MYO16: variants seen among roughly 807,000 people sequenced by gnomAD.
MYO16 encodes myosin XVI.
MYO16 carries 94 observed loss-of-function variants against 205.3 expected under a neutral mutation model. That is an observed-to-expected ratio of 0.46 (90% confidence interval 0.39 to 0.54). MYO16 has a LOEUF of 0.54. MYO16 is among the 20% of genes least tolerant of loss of function. The pLI is 0.00. For missense variants in MYO16, 2,315 were observed against 2,387.5 expected (o/e 0.97, Z 0.63); for synonymous variants, 988 against 954.0 (o/e 1.04, Z -0.66).
chr13:108,614,131 C>T (rs1049799873), intron 1 of MYO16, among the ~76,000 whole-genome samples: 7 of 152,088 alleles, frequency 4.6e-5, no homozygotes, highest in Non-Finnish European at 1.0e-4. Flanking sequence ...TGAATGTTTA[C>T]AGGATACAAT....
the MYO16 span, among the ~76,000 whole-genome samples, chr13:108,564,210 G>T: frequency 0.022 from 2,802 of 125,560 alleles, 44 homozygotes; most frequent in Admixed American, 0.058. Context: ...TCGCTCTCTT[G>T]CCCAGGCTGG....
upstream of MYO16, among the ~76,000 whole-genome samples, chr13:108,626,069 A>G (rs1879723135): frequency 6.6e-6 from 1 of 152,188 alleles, no homozygotes; most frequent in African/African-American, 2.4e-5. Flanking sequence ...ATCTCTCATT[A>G]GAATCATTGC....
intron 27 of MYO16, among the ~76,000 whole-genome samples, chr13:109,066,839 C>T (rs1482883691): frequency 6.6e-6 from 1 of 152,086 alleles, no homozygotes; most frequent in Admixed American, 6.5e-5. Context: ...GATCTACTCG[C>T]ACTCAGCTTC....
At chr13:109,075,557 G>A (rs973867585) in intron 27 of MYO16, among the ~76,000 whole-genome samples, 1 of 151,968 alleles carries the variant, frequency 6.6e-6, no homozygotes, top group African/African-American at 2.4e-5. Context: ...TGTATTTTTA[G>A]TAGAGACGGG....
At chr13:109,110,871 A>G (rs1020688884) in intron 28 of MYO16, among the ~76,000 whole-genome samples, 1 of 152,186 alleles carries the variant, frequency 6.6e-6, no homozygotes, top group African/African-American at 2.4e-5. Flanking sequence ...GAAAGGATAG[A>G]CAATATTCTA....
At chr13:108,503,569 C>T in the MYO16 span, among the ~76,000 whole-genome samples, 1 of 151,996 alleles carries the variant, frequency 6.6e-6, no homozygotes, top group African/African-American at 2.4e-5. Context: ...TAATCCCATG[C>T]CAGGAGACTG....
rs186739945 is a variant in MYO16, at chr13:108,784,517, A to T, written c.508-1118A>T. Among the ~76,000 whole-genome samples the T allele has an allele frequency of 1.9e-3, 295 of 152,270 alleles. 2 individuals are homozygous for T. Among genetic ancestry groups the T allele is most frequent in the African/African-American group, 6.9e-3 (287 of 41,558 alleles). On this transcript the variant is annotated intron_variant, in intron 4 of 34. Coordinates refer to ENST00000457511, the MANE Select transcript of MYO16 (RefSeq NM_001198950.3). ...ACTTTTTTGTTTGTTTTGGGTTTTT[A>T]AAAATAATATATTTAGAGCCGTTCT...
chr13:108,749,948 A>C (rs2139632414), intron 4 of MYO16, among the ~76,000 whole-genome samples: 1 of 152,360 alleles, frequency 6.6e-6, no homozygotes, highest in South Asian at 2.1e-4. Flanking sequence ...GTCAGCAATA[A>C]AACAGGACTG....
chr13:108,856,182 ATCTCTT>A (rs983890843), intron 11 of MYO16, among the ~76,000 whole-genome samples: 11 of 152,104 alleles, frequency 7.2e-5, no homozygotes, highest in African/African-American at 4.8e-5. Context: ...ATCAAAATCA[ATCTCTT>A]TCTCTTTCTC....
chr13:109,129,554 C>G (rs367806968), intron 31 of MYO16, among the ~76,000 whole-genome samples: 1 of 152,138 alleles, frequency 6.6e-6, no homozygotes, highest in Non-Finnish European at 1.5e-5. Context: ...ACTGTTCCTA[C>G]TTTCAGGCCT....
At chr13:109,056,470 T>C (rs1267677238) in intron 27 of MYO16, among the ~76,000 whole-genome samples, 2 of 152,182 alleles carry the variant, frequency 1.3e-5, no homozygotes, top group Non-Finnish European at 2.9e-5. Context: ...AATTGGTTGA[T>C]GGGTAGTAAC....
At chr13:109,197,901 C>CTGT (rs978694594) in intron 34 of MYO16, among the ~76,000 whole-genome samples, 1 of 152,202 alleles carries the variant, frequency 6.6e-6, no homozygotes, top group Non-Finnish European at 1.5e-5. Flanking sequence ...AATGACATGA[C>CTGT]TGTTGGAAAC....
In MYO16 at chr13:108,738,275, G is replaced by A. The variant is rs776114296; in HGVS notation, c.507+10692G>A. On this transcript the variant is annotated intron_variant, in intron 4 of 34. Coordinates refer to ENST00000457511, the MANE Select transcript of MYO16 (RefSeq NM_001198950.3). ...CTGCTTTCTCTTGTGGGCATTTAGT[G>A]CTATAAATTTCCCTCTACACGCTGC... Among the ~76,000 whole-genome samples the A allele has an allele frequency of 9.9e-5, 15 of 152,272 alleles. 1 individual carries two copies. The Middle Eastern group carries it at 0.01, about 104-fold the overall frequency.
At position 108,727,421 on chromosome 13, in the gene MYO16, C is replaced by T; in HGVS notation, c.364-19C>T. 1 of 1,606,842 alleles carries T rather than the reference C, an allele frequency of 6.2e-7. No individual in the cohort carries two copies. Among genetic ancestry groups the T allele is most frequent in the South Asian group, 1.1e-5 (1 of 90,196 alleles). On this transcript the variant is annotated intron_variant, in intron 3 of 34. Transcript: ENST00000457511. ...ACAGTTTGTAATAATTTGATATTTC[C>T]TTGTATTCTTTCTTTTAGTGTGCTC...
intron 9 of MYO16, among the ~76,000 whole-genome samples, chr13:108,838,692 C>T (rs7996836): frequency 0.59 from 77,241 of 130,062 alleles, 23,640 homozygotes; most frequent in Middle Eastern, 0.72. Context: ...TATATATATA[C>T]ACACACACAC....
chr13:109,097,891 C>T (rs1888828756), intron 27 of MYO16, among the ~76,000 whole-genome samples: 1 of 152,140 alleles, frequency 6.6e-6, no homozygotes, highest in Non-Finnish European at 1.5e-5. Flanking sequence ...TGAGGATTCT[C>T]AATCCAGGAA....
chr13:108,672,541 A>G (rs1882035887), intron 2 of MYO16, among the ~76,000 whole-genome samples: 1 of 152,000 alleles, frequency 6.6e-6, no homozygotes. Context: ...TTTGCTTTAT[A>G]AATGTATTTT....
At position 108,814,729 on chromosome 13, in the gene MYO16, C is replaced by T. The variant is rs1479721464; in HGVS notation, c.868-5608C>T. Among the ~76,000 whole-genome samples, 3 of 35,524 alleles carry T rather than the reference C, an allele frequency of 8.4e-5. No homozygotes were observed. In the Non-Finnish European group the frequency reaches 6.3e-3, roughly 74 times the overall value. 23.3% of individuals were successfully genotyped at this position (35,524 alleles called of 152,430 possible). On this transcript the variant is annotated intron_variant, in intron 7 of 34. Coordinates refer to ENST00000457511, the MANE Select transcript of MYO16 (RefSeq NM_001198950.3). ...AATTTTGAATGGGCCTGTAGGGAAT[C>T]TAGCAATAGGGCATACTATTGAAAA...
chr13:108,955,457 A>G (rs889896921), intron 16 of MYO16, among the ~76,000 whole-genome samples: 2 of 152,126 alleles, frequency 1.3e-5, no homozygotes, highest in Non-Finnish European at 2.9e-5. Flanking sequence ...CATGGCCACC[A>G]TGGTCTGCTT....
Sources: allele counts gnomAD v4.1 joint callset (sites outside exome capture counted in the v4.1 genomes callset), GRCh38; gene constraint gnomAD v4.1.1; transcripts MANE v1.5; gene names NCBI Gene and HGNC (gene_info 2026-07-23, HGNC 2026-07-21).